GLIS3: variants seen among roughly 807,000 people sequenced by gnomAD.
GLIS3 encodes zinc finger protein GLIS3.
GLIS3 carries 53 observed loss-of-function variants against 78.6 expected under a neutral mutation model. That is an observed-to-expected ratio of 0.67 (90% confidence interval 0.54 to 0.85). The LOEUF is 0.85. GLIS3 is among the 40% of genes least tolerant of loss of function. The pLI, the probability that GLIS3 is intolerant of heterozygous loss-of-function variation, is 0.00. For missense variants in GLIS3, 1,703 were observed against 1,231.1 expected (o/e 1.38, Z -5.74); for synonymous variants, 684 against 509.9 (o/e 1.34, Z -4.60).
chr9:4,363,421 G>A, the GLIS3 span, among the ~76,000 whole-genome samples: 1 of 152,114 alleles, frequency 6.6e-6, no homozygotes, highest in Non-Finnish European at 1.5e-5. Flanking sequence ...AAGAAGCAAA[G>A]AAGGTTTTCA....
chr9:4,401,167 G>A, the GLIS3 span, among the ~76,000 whole-genome samples: 4 of 152,186 alleles, frequency 2.6e-5, no homozygotes, highest in African/African-American at 9.7e-5. Context: ...CTGTCCTGGG[G>A]CAGTGGAGAG....
intron 6 of GLIS3, among the ~76,000 whole-genome samples, chr9:3,908,727 T>TTTTTTTA: frequency 7.1e-6 from 1 of 140,338 alleles, no homozygotes; most frequent in South Asian, 2.3e-4. Context: ...TTTTTTTTTT[T>TTTTTTTA]TGTACAGGAT....
At chr9:4,040,773 T>C (rs1438489853) in intron 4 of GLIS3, among the ~76,000 whole-genome samples, 1 of 152,186 alleles carries the variant, frequency 6.6e-6, no homozygotes. Context: ...CAGTAGATCG[T>C]TCTACCACAG....
the GLIS3 span, among the ~76,000 whole-genome samples, chr9:4,400,534 T>G: frequency 2.0e-5 from 3 of 152,234 alleles, no homozygotes; most frequent in Admixed American, 6.5e-5. Context: ...TTACCTATAT[T>G]GATTTGTCAA....
At chr9:3,877,829 TTCCAGG>T (rs1166088272) in intron 8 of GLIS3, among the ~76,000 whole-genome samples, 2 of 152,192 alleles carry the variant, frequency 1.3e-5, no homozygotes, top group African/African-American at 4.8e-5. Flanking sequence ...CCGTCTCTCC[TTCCAGG>T]TTCAGTTACT....
chr9:3,932,658 A>AACCATGATTAAGAGAAGGGT (rs1326072080), intron 5 of GLIS3, 188 bp from the exon 6 acceptor site: 2 of 561,304 alleles, frequency 3.6e-6, no homozygotes, highest in Admixed American at 5.4e-5. Context: ...AGAGAAGGGT[A>AACCATGATTAAGAGAAGGGT]AACTTTCAAG....
chr9:3,968,960 A>T (rs534557816), intron 4 of GLIS3, among the ~76,000 whole-genome samples: 1 of 152,184 alleles, frequency 6.6e-6, no homozygotes, highest in Non-Finnish European at 1.5e-5. Flanking sequence ...GGGACAAGAC[A>T]CCCTTTGCAA....
At chr9:4,226,535 G>T (rs980403339) in intron 2 of GLIS3, among the ~76,000 whole-genome samples, 25 of 152,142 alleles carry the variant, frequency 1.6e-4, no homozygotes, top group African/African-American at 6.0e-4. Context: ...TGCCTAAGGG[G>T]GAGGGAATGG....
In GLIS3 at chr9:3,827,445, G is replaced by T. The variant is rs1037984016; in HGVS notation, c.*827C>A. Reference sequence around the variant, plus strand: ...TCAGGAAGGTTCCAGCTACAGGACTGTTGGTGCGGGAGGTGCCCACTCCAT... The same window carrying T: ...TCAGGAAGGTTCCAGCTACAGGACTTTTGGTGCGGGAGGTGCCCACTCCAT... On this transcript the variant is annotated 3_prime_UTR_variant, in exon 11 of 11. Coordinates refer to ENST00000381971, the MANE Select transcript of GLIS3 (RefSeq NM_001042413.2). The T allele has an allele frequency of 6.6e-6, 1 of 152,316 alleles. No individual in the cohort carries two copies. The highest frequency in any genetic ancestry group is 1.5e-5 in the Non-Finnish European group (1 of 68,124). The allele number at this position is 152,316 out of a possible 1,614,324, so 9.4% of individuals were successfully genotyped here.
At chr9:4,292,126 T>C (rs1816032867) in intron 1 of GLIS3, among the ~76,000 whole-genome samples, 1 of 152,174 alleles carries the variant, frequency 6.6e-6, no homozygotes, top group Admixed American at 6.5e-5. Flanking sequence ...CCACAGGCTG[T>C]AAGTTCCTAC....
intron 8 of GLIS3, among the ~76,000 whole-genome samples, chr9:3,870,081 A>G (rs1179839507): frequency 6.6e-6 from 1 of 152,246 alleles, no homozygotes; most frequent in Non-Finnish European, 1.5e-5. Context: ...GGGTAGAGCT[A>G]AAGAACTTTA....
chr9:3,834,560 G>C (rs902515720), intron 9 of GLIS3, among the ~76,000 whole-genome samples: 34 of 152,036 alleles, frequency 2.2e-4, no homozygotes, highest in African/African-American at 6.3e-4. Flanking sequence ...TGAATTCCCA[G>C]GTCTAGCCAA....
intron 2 of GLIS3, among the ~76,000 whole-genome samples, chr9:4,253,915 A>G (rs1183662229): frequency 1.3e-5 from 2 of 151,864 alleles, no homozygotes; most frequent in Middle Eastern, 3.4e-3. Flanking sequence ...CCCTGCTTCA[A>G]CTCTCCCTCC....
intron 8 of GLIS3, 84 bp from the exon 9 acceptor site, chr9:3,856,268 T>G (rs750356941): frequency 7.3e-6 from 9 of 1,227,976 alleles, no homozygotes; most frequent in Non-Finnish European, 1.1e-5. Flanking sequence ...AATTCTCACC[T>G]CCCATTCTGG....
chr9:4,099,505 T>G (rs916248197), intron 4 of GLIS3, among the ~76,000 whole-genome samples: 1 of 152,172 alleles, frequency 6.6e-6, no homozygotes, highest in Non-Finnish European at 1.5e-5. Context: ...AGAACACCAG[T>G]TGCACTGAAC....
the GLIS3 span, among the ~76,000 whole-genome samples, chr9:4,425,247 T>C: frequency 6.6e-6 from 1 of 152,206 alleles, no homozygotes; most frequent in Non-Finnish European, 1.5e-5. Context: ...TGTCCTGAGT[T>C]TTCTGTCACA....
At chr9:4,013,154 T>C (rs1163162398) in intron 4 of GLIS3, among the ~76,000 whole-genome samples, 1 of 151,910 alleles carries the variant, frequency 6.6e-6, no homozygotes, top group Non-Finnish European at 1.5e-5. Context: ...TGTAAGGAAA[T>C]TTGGGTTCTC....
At chr9:4,419,594 A>G in the GLIS3 span, among the ~76,000 whole-genome samples, 2 of 152,096 alleles carry the variant, frequency 1.3e-5, no homozygotes, top group Non-Finnish European at 1.5e-5. Flanking sequence ...GTTCAAGCCA[A>G]TATTGTGAAA....
chr9:4,025,138 G>C (rs146217495), intron 4 of GLIS3, among the ~76,000 whole-genome samples: 2 of 152,068 alleles, frequency 1.3e-5, no homozygotes, highest in East Asian at 3.9e-4. Flanking sequence ...TGTAATCCTC[G>C]CTACTCGGGA....
Sources: gnomAD v4.1 joint callset for allele counts (sites outside exome capture counted in the v4.1 genomes callset) on GRCh38, gnomAD v4.1.1 for gene constraint, MANE v1.5 for transcripts, NCBI Gene and HGNC (gene_info 2026-07-23, HGNC 2026-07-21) for gene names.